RALY: variants seen among roughly 807,000 people sequenced by gnomAD.
The protein encoded by RALY is RNA-binding protein Raly.
A neutral mutation model predicts 30.7 loss-of-function variants in RALY; 15 were observed. The observed-to-expected ratio is 0.49, with a 90% CI of 0.33 to 0.75. The LOEUF is 0.75. Ranked by LOEUF, RALY falls within the 30% of genes least tolerant of loss-of-function variation. The pLI, the probability that RALY is intolerant of heterozygous loss-of-function variation, is 0.02. For synonymous variants in RALY, 177 were observed against 170.8 expected, an observed-to-expected ratio of 1.04 and a Z score of -0.28; for missense variants, 339 against 414.3, an observed-to-expected ratio of 0.82 and a Z score of 1.58.
intron 2 of RALY, among the ~76,000 whole-genome samples, chr20:34,050,455 G>C (rs529269525): frequency 3.7e-4 from 56 of 152,196 alleles, no homozygotes; most frequent in Non-Finnish European, 6.9e-4. Context: ...AAAATGCTTT[G>C]CTGTTGTTTT....
intron 1 of RALY, among the ~76,000 whole-genome samples, chr20:34,015,578 G>A (rs902488607): frequency 3.3e-5 from 5 of 151,546 alleles, no homozygotes; most frequent in African/African-American, 1.2e-4. Flanking sequence ...GTGTTTTATT[G>A]GCATAGACTT....
In RALY at chr20:34,073,715, G is replaced by A. The variant is rs145268517; in HGVS notation, c.329+80G>A. Reference sequence around the variant, plus strand: ...AGGGAGTAAATGCTGGTGTGACAGTGTGCTGAATCTAGAACTTGGGGAGGT... The same window carrying A: ...AGGGAGTAAATGCTGGTGTGACAGTATGCTGAATCTAGAACTTGGGGAGGT... On this transcript the variant is annotated intron_variant, in intron 4 of 9. Coordinates refer to ENST00000246194, the MANE Select transcript of RALY (RefSeq NM_016732.3). 103 of 1,544,090 alleles carry A rather than the reference G, an allele frequency of 6.7e-5. No homozygotes were observed. The African/African-American group carries it at 1.2e-3, about 18-fold the overall frequency.
chr20:34,069,089 G>C (rs2033656662), intron 2 of RALY, among the ~76,000 whole-genome samples: 1 of 152,164 alleles, frequency 6.6e-6, no homozygotes, highest in Non-Finnish European at 1.5e-5. Context: ...CTCCTCTACA[G>C]ATCAGAAAAC....
intron 1 of RALY, among the ~76,000 whole-genome samples, chr20:34,003,033 T>C (rs2030989918): frequency 6.6e-6 from 1 of 152,276 alleles, no homozygotes; most frequent in East Asian, 1.9e-4. Context: ...TTGAACACTT[T>C]GCAGCAAGGA....
At position 34,034,417 on chromosome 20, in the gene RALY, C is replaced by G. The variant is rs539738837; in HGVS notation, c.-10+2813C>G. Reference sequence around the variant, plus strand: ...TGCCACTTCTTTTTGCCTTGTTAATCTAAAGTTCTACAGCTTCTGGCCTTT... The same window carrying G: ...TGCCACTTCTTTTTGCCTTGTTAATGTAAAGTTCTACAGCTTCTGGCCTTT... On this transcript the variant is annotated intron_variant, in intron 2 of 9. Coordinates refer to ENST00000246194, the MANE Select transcript of RALY (RefSeq NM_016732.3). Among the ~76,000 whole-genome samples, 3 of 152,322 alleles carry G rather than the reference C, an allele frequency of 2.0e-5. No individual in the cohort carries two copies. The East Asian group carries it at 5.8e-4, about 29-fold the overall frequency.
intron 1 of RALY, among the ~76,000 whole-genome samples, chr20:34,019,869 G>A (rs961188227): frequency 3.9e-5 from 6 of 152,192 alleles, no homozygotes; most frequent in African/African-American, 9.6e-5. Context: ...AGACCATCCC[G>A]GCTAAAACGG....
chr20:34,026,833 G>A (rs796664209), intron 1 of RALY, among the ~76,000 whole-genome samples: 11 of 152,260 alleles, frequency 7.2e-5, no homozygotes, highest in African/African-American at 2.4e-4. Context: ...CAACAGATTA[G>A]TAGATATTCG....
intron 1 of RALY, among the ~76,000 whole-genome samples, chr20:34,000,025 T>C (rs2122967817): frequency 6.6e-6 from 1 of 152,258 alleles, no homozygotes; most frequent in East Asian, 1.9e-4. Flanking sequence ...GGGGATATAG[T>C]AGGGGTGGAG....
rs186807998 is a variant in RALY, at chr20:34,035,844, A to G, written c.-10+4240A>G. Among the ~76,000 whole-genome samples, 9 of 152,358 alleles carry G rather than the reference A, an allele frequency of 5.9e-5. No individual in the cohort carries two copies. The East Asian group carries it at 1.3e-3, about 23-fold the overall frequency. The stretch of plus-strand genomic sequence containing the variant: ...GGGTAAGGGAATAGGGAGACACTGG[A>G]TTATTAAAGAAGGCCTCTCAGAAAA... On this transcript the variant is annotated intron_variant, in intron 2 of 9. Transcript: ENST00000246194.
chr20:34,027,614 T>C (rs2032092708), intron 1 of RALY, among the ~76,000 whole-genome samples: 1 of 152,230 alleles, frequency 6.6e-6, no homozygotes, highest in South Asian at 2.1e-4. Context: ...CCATCCTGAA[T>C]GCCAAGTGCC....
At chr20:33,999,915 AG>A (rs1235412300) in intron 1 of RALY, among the ~76,000 whole-genome samples, 5 of 152,112 alleles carry the variant, frequency 3.3e-5, no homozygotes, top group Non-Finnish European at 7.4e-5. Flanking sequence ...GGTCCCTTCT[AG>A]CAATTACATT....
chr20:34,039,331 G>A (rs960328467), intron 2 of RALY, among the ~76,000 whole-genome samples: 1 of 152,234 alleles, frequency 6.6e-6, no homozygotes, highest in Non-Finnish European at 1.5e-5. Flanking sequence ...TGAGTAGCTA[G>A]CAAGTGTGAG....
chr20:34,068,008 ACTTCT>A (rs1486269050), intron 2 of RALY, among the ~76,000 whole-genome samples: 1 of 151,714 alleles, frequency 6.6e-6, no homozygotes, highest in African/African-American at 2.4e-5. Flanking sequence ...TGTGGGTAAA[ACTTCT>A]CTTCTGTTCT....
chr20:34,071,179 C>T (rs1022567671), intron 2 of RALY, among the ~76,000 whole-genome samples: 40 of 152,160 alleles, frequency 2.6e-4, no homozygotes, highest in African/African-American at 8.9e-4. Context: ...GAGATTTGGG[C>T]GGGGACACAA....
In RALY at chr20:34,074,040, C is replaced by T. The variant is rs182624706; in HGVS notation, c.377+174C>T. ...AGACTGGGGTCCTGTGCTGCAGGTG[C>T]TCAGGCCAGAGCTCCTACCACCATA... On this transcript the variant is annotated intron_variant, in intron 5 of 9. Coordinates refer to ENST00000246194, the MANE Select transcript of RALY (RefSeq NM_016732.3). Among the ~76,000 whole-genome samples, 138 of 152,326 alleles carry T rather than the reference C, an allele frequency of 9.1e-4. 1 individual carries two copies. Among genetic ancestry groups the T allele is most frequent in the African/African-American group, 3.2e-3 (132 of 41,578 alleles).
intron 1 of RALY, among the ~76,000 whole-genome samples, chr20:34,013,850 ATGATGGAAATG>A (rs1241786989): frequency 6.6e-6 from 1 of 152,174 alleles, no homozygotes. Flanking sequence ...TACAAAATGA[ATGATGGAAATG>A]TGTATGCATT....
chr20:34,047,111 G>A (rs2032909260), intron 2 of RALY, among the ~76,000 whole-genome samples: 1 of 152,198 alleles, frequency 6.6e-6, no homozygotes, highest in Admixed American at 6.5e-5. Flanking sequence ...GAGCCACCAT[G>A]CCTGGCCTTG....
At position 34,069,205 on chromosome 20, in the gene RALY, T is replaced by A. The variant is rs547601198; in HGVS notation, c.-9-2861T>A. ...CTAGAATGGGGTTCGCAGATGGCAG[T>A]ATTGGAATAAAGAGGTGCAAGCCAG... On this transcript the variant is annotated intron_variant, in intron 2 of 9. Coordinates refer to ENST00000246194, the MANE Select transcript of RALY (RefSeq NM_016732.3). 7.9e-5 allele frequency among the ~76,000 whole-genome samples: 12 copies of A among 152,292 alleles called. No homozygotes were observed. The East Asian group carries it at 2.3e-3, about 29-fold the overall frequency.
chr20:34,000,141 T>G (rs2030846144), intron 1 of RALY, among the ~76,000 whole-genome samples: 1 of 152,208 alleles, frequency 6.6e-6, no homozygotes, highest in Non-Finnish European at 1.5e-5. Flanking sequence ...CTGCTTGTCC[T>G]ACAACTTCCC....
Sources: allele counts gnomAD v4.1 joint callset (sites outside exome capture counted in the v4.1 genomes callset), GRCh38; gene constraint gnomAD v4.1.1; transcripts MANE v1.5; gene names NCBI Gene and HGNC (gene_info 2026-07-23, HGNC 2026-07-21).